GABRG3: variants seen among roughly 807,000 people sequenced by gnomAD.
The protein encoded by GABRG3 is gamma-aminobutyric acid receptor subunit gamma-3.
In GABRG3, 25 loss-of-function variants were observed where a neutral mutation model predicts 48.8. The ratio of observed to expected loss-of-function variants is 0.51; its 90% CI spans 0.37 to 0.72. The LOEUF is 0.72. Ranked by LOEUF, GABRG3 falls within the 30% of genes least tolerant of loss-of-function variation. GABRG3 has a pLI of 0.00. For synonymous variants in GABRG3, 227 were observed against 217.6 expected, an observed-to-expected ratio of 1.04 and a Z score of -0.38; for missense variants, 394 against 577.9, an observed-to-expected ratio of 0.68 and a Z score of 3.26.
intron 3 of GABRG3, among the ~76,000 whole-genome samples, chr15:27,303,468 T>C (rs991118442): frequency 1.3e-5 from 2 of 151,790 alleles, no homozygotes; most frequent in Non-Finnish European, 2.9e-5. Flanking sequence ...AAAAAATGTT[T>C]TAAAAACCTA....
chr15:27,458,758 T>C (rs1303125064), intron 5 of GABRG3, among the ~76,000 whole-genome samples: 5 of 152,136 alleles, frequency 3.3e-5, no homozygotes, highest in Non-Finnish European at 7.3e-5. Flanking sequence ...TAATGTGAGC[T>C]AGCTAGATAA....
intron 5 of GABRG3, among the ~76,000 whole-genome samples, chr15:27,359,192 C>T (rs964349816): frequency 6.6e-6 from 1 of 152,318 alleles, no homozygotes; most frequent in East Asian, 1.9e-4. Flanking sequence ...ACATGCAGGG[C>T]GGCTGAGCTG....
intron 3 of GABRG3, among the ~76,000 whole-genome samples, chr15:27,177,969 T>C (rs1887798897): frequency 6.6e-6 from 1 of 152,120 alleles, no homozygotes; most frequent in Non-Finnish European, 1.5e-5. Context: ...TAAACTCACC[T>C]AACAGGACTC....
rs144746980 is a variant in GABRG3 at position 27,048,311 on chromosome 15, G to A, written c.270+21490G>A. On this transcript the variant is annotated intron_variant, in intron 3 of 9. Transcript: ENST00000615808. The stretch of plus-strand genomic sequence containing the variant: ...GCCAGCCCACCCTCTGATCCAGAAC[G>A]TCCAGACAGAATCTCTGGGCAAATG... 8.0e-3 allele frequency among the ~76,000 whole-genome samples: 1,136 copies of A among 142,638 alleles called. 13 individuals are homozygous for A. Among genetic ancestry groups the A allele is most frequent in the African/African-American group, 0.025 (1,012 of 40,108 alleles). The allele number at this position is 142,638 out of a possible 152,430, so 93.6% of individuals were successfully genotyped here. A position where few individuals can be genotyped will look rare whatever the true frequency, so the allele number is the denominator to read the frequency against.
chr15:27,482,490 A>G (rs988363188), intron 6 of GABRG3, among the ~76,000 whole-genome samples: 10 of 152,318 alleles, frequency 6.6e-5, no homozygotes, highest in African/African-American at 2.4e-4. Context: ...CATTTTCACA[A>G]TGTGGAGGAT....
intron 5 of GABRG3, among the ~76,000 whole-genome samples, chr15:27,452,847 G>A (rs564516328): frequency 3.0e-4 from 45 of 152,324 alleles, no homozygotes; most frequent in Non-Finnish European, 5.9e-4. Flanking sequence ...GCAATTCCAT[G>A]TTAATTGCAG....
intron 2 of GABRG3, among the ~76,000 whole-genome samples, chr15:27,012,377 C>G (rs1235001047): frequency 6.6e-6 from 1 of 151,784 alleles, no homozygotes; most frequent in Non-Finnish European, 1.5e-5. Context: ...AATGATGTGC[C>G]CAGGTATGGT....
chr15:27,265,375 G>T (rs10152133), intron 3 of GABRG3, among the ~76,000 whole-genome samples: 1 of 151,808 alleles, frequency 6.6e-6, no homozygotes, highest in Non-Finnish European at 1.5e-5. Flanking sequence ...ACAACCAGCC[G>T]TACAAAAAAC....
chr15:27,016,765 G>A (rs898313792), intron 2 of GABRG3, among the ~76,000 whole-genome samples: 3 of 151,888 alleles, frequency 2.0e-5, no homozygotes, highest in African/African-American at 7.2e-5. Context: ...AAGTCCCTTA[G>A]GCTCTCTCTG....
intron 3 of GABRG3, among the ~76,000 whole-genome samples, chr15:27,300,613 C>T (rs1362891269): frequency 1.4e-5 from 2 of 147,406 alleles, no homozygotes; most frequent in Admixed American, 6.9e-5. Flanking sequence ...GCCGAGATCA[C>T]GCCATTGCAT....
intron 3 of GABRG3, among the ~76,000 whole-genome samples, chr15:27,103,768 G>C (rs912710682): frequency 6.6e-6 from 1 of 152,064 alleles, no homozygotes; most frequent in African/African-American, 2.4e-5. Flanking sequence ...GACCGCTCAA[G>C]GTGACCTCAG....
chr15:27,389,567 A>G (rs1896159196), intron 5 of GABRG3, among the ~76,000 whole-genome samples: 1 of 152,230 alleles, frequency 6.6e-6, no homozygotes, highest in Admixed American at 6.5e-5. Context: ...CCAACACATC[A>G]TCATTCACTA....
At position 27,189,571 on chromosome 15, in the gene GABRG3, T is replaced by A. The variant is rs1163327709; in HGVS notation, c.271-137238T>A. On this transcript the variant is annotated intron_variant, in intron 3 of 9. Coordinates refer to ENST00000615808, the MANE Select transcript of GABRG3 (RefSeq NM_033223.5). ...TAAGAATGCTTGTGATTTTTGTACA[T>A]TGATTTTGTATCCTGAGACTTTGCT... Among the ~76,000 whole-genome samples, 5 of 152,102 alleles carry A rather than the reference T, an allele frequency of 3.3e-5. No homozygotes were observed. The East Asian group carries it at 9.6e-4, about 29-fold the overall frequency.
intron 6 of GABRG3, among the ~76,000 whole-genome samples, chr15:27,484,434 G>C (rs770872538): frequency 2.6e-5 from 4 of 152,050 alleles, no homozygotes; most frequent in Non-Finnish European, 4.4e-5. Flanking sequence ...TTCAGCTTTG[G>C]TTTTCATTAA....
At chr15:27,135,228 T>C (rs1316056587) in intron 3 of GABRG3, among the ~76,000 whole-genome samples, 1 of 152,186 alleles carries the variant, frequency 6.6e-6, no homozygotes, top group Non-Finnish European at 1.5e-5. Flanking sequence ...ATATGGCATA[T>C]GTGTGTGTGT....
intron 5 of GABRG3, among the ~76,000 whole-genome samples, chr15:27,454,904 A>G (rs1440812440): frequency 1.3e-5 from 2 of 152,216 alleles, no homozygotes; most frequent in Non-Finnish European, 2.9e-5. Flanking sequence ...CAAATCTTGT[A>G]TGAACCACAA....
At chr15:27,402,092 A>G (rs1347442534) in intron 5 of GABRG3, among the ~76,000 whole-genome samples, 6 of 152,226 alleles carry the variant, frequency 3.9e-5, no homozygotes, top group African/African-American at 1.2e-4. Context: ...AAGAAAAAAT[A>G]TACAGGGGTG....
chr15:27,348,087 C>T (rs1342150479), intron 5 of GABRG3, among the ~76,000 whole-genome samples: 3 of 145,844 alleles, frequency 2.1e-5, no homozygotes, highest in East Asian at 2.0e-4. Context: ...TTTCTGGAGG[C>T]GGAGGTCACA....
chr15:27,298,834 CT>C (rs1467705538), intron 3 of GABRG3, among the ~76,000 whole-genome samples: 1 of 152,062 alleles, frequency 6.6e-6, no homozygotes, highest in African/African-American at 2.4e-5. Context: ...TATCCCGCCC[CT>C]AGCCCCCCAC....
Sources: gnomAD v4.1 joint callset for allele counts (sites outside exome capture counted in the v4.1 genomes callset) on GRCh38, gnomAD v4.1.1 for gene constraint, MANE v1.5 for transcripts, NCBI Gene and HGNC (gene_info 2026-07-23, HGNC 2026-07-21) for gene names.